GARRE1: variants seen among roughly 807,000 people sequenced by gnomAD.
GARRE1 encodes granule associated Rac and RHOG effector protein 1.
In GARRE1, 49 loss-of-function variants were observed where a neutral mutation model predicts 103.2. That is an observed-to-expected ratio of 0.47 (90% CI 0.38 to 0.60). The LOEUF (loss-of-function observed/expected upper bound fraction) is 0.60. Ranked by LOEUF, GARRE1 falls within the 20% of genes least tolerant of loss-of-function variation. The pLI is 0.00. For missense variants in GARRE1, 1,199 were observed against 1,370.5 expected (o/e 0.87, Z 1.98); for synonymous variants, 505 against 532.8 (o/e 0.95, Z 0.72).
intron 1 of GARRE1, among the ~76,000 whole-genome samples, chr19:34,275,933 A>G (rs2073814643): frequency 6.6e-6 from 1 of 152,228 alleles, no homozygotes; most frequent in Non-Finnish European, 1.5e-5. Flanking sequence ...GCGAAGAGGT[A>G]TCTCATTGTG....
chr19:34,259,820 G>A (rs980679015), intron 1 of GARRE1, among the ~76,000 whole-genome samples: 4 of 152,176 alleles, frequency 2.6e-5, no homozygotes, highest in South Asian at 2.1e-4. Flanking sequence ...CTAATGGGAG[G>A]TAATTTAATC....
chr19:34,310,316 C>T (rs2074030600), intron 2 of GARRE1, among the ~76,000 whole-genome samples: 1 of 152,204 alleles, frequency 6.6e-6, no homozygotes, highest in African/African-American at 2.4e-5. Flanking sequence ...CATAAAACAG[C>T]ATTTGCCTGA....
intron 12 of GARRE1, among the ~76,000 whole-genome samples, chr19:34,349,795 C>T (rs1375167118): frequency 6.6e-6 from 1 of 152,086 alleles, no homozygotes; most frequent in African/African-American, 2.4e-5. Flanking sequence ...TTGGTCCCTG[C>T]TGGACAGGCC....
intron 13 of GARRE1, among the ~76,000 whole-genome samples, chr19:34,352,126 C>T (rs1348392731): frequency 1.3e-5 from 2 of 150,068 alleles, no homozygotes; most frequent in East Asian, 2.0e-4. Flanking sequence ...ATCAGCCGGG[C>T]GCAGTGGCGA....
At chr19:34,275,277 T>A (rs1301348979) in intron 1 of GARRE1, among the ~76,000 whole-genome samples, 1 of 152,144 alleles carries the variant, frequency 6.6e-6, no homozygotes, top group Non-Finnish European at 1.5e-5. Flanking sequence ...GTTTATCCAT[T>A]TAAAGTATAT....
At chr19:34,306,297 C>T (rs974613437) in intron 2 of GARRE1, among the ~76,000 whole-genome samples, 9 of 152,162 alleles carry the variant, frequency 5.9e-5, no homozygotes, top group South Asian at 2.1e-4. Flanking sequence ...GCTCTGGATT[C>T]GAGAGTATTC....
intron 2 of GARRE1, among the ~76,000 whole-genome samples, chr19:34,312,602 ATGT>A (rs1176310800): frequency 2.0e-5 from 3 of 152,174 alleles, no homozygotes; most frequent in Non-Finnish European, 2.9e-5. Context: ...AGGCTCATTC[ATGT>A]TGTAGCTCGC....
intron 3 of GARRE1, among the ~76,000 whole-genome samples, chr19:34,326,176 G>T (rs2074111062): frequency 6.6e-6 from 1 of 152,224 alleles, no homozygotes; most frequent in South Asian, 2.1e-4. Flanking sequence ...TAAACTGTGA[G>T]ACTCTTAGGC....
At chr19:34,352,473 G>A (rs11882443) in intron 13 of GARRE1, among the ~76,000 whole-genome samples, 174 bp from the exon 14 acceptor site, 20 of 151,730 alleles carry the variant, frequency 1.3e-4, no homozygotes, top group Admixed American at 5.9e-4. Flanking sequence ...ATACTAGACC[G>A]TATAGGCACA....
At chr19:34,284,234 C>T in intron 1 of GARRE1, among the ~76,000 whole-genome samples, 1 of 150,310 alleles carries the variant, frequency 6.7e-6, no homozygotes, top group East Asian at 1.9e-4. Flanking sequence ...AAGCGATTCT[C>T]CTGCCTCAGC....
intron 1 of GARRE1, among the ~76,000 whole-genome samples, chr19:34,261,850 C>G (rs1034336176): frequency 6.6e-6 from 1 of 152,140 alleles, no homozygotes; most frequent in African/African-American, 2.4e-5. Flanking sequence ...CTGAGTCCTT[C>G]GACTCACTGC....
chr19:34,254,932 C>T (rs1190962667), intron 1 of GARRE1, among the ~76,000 whole-genome samples: 1 of 151,208 alleles, frequency 6.6e-6, no homozygotes, highest in Non-Finnish European at 1.5e-5. Context: ...GCCCGTCAGG[C>T]GGGGAAAGGG....
chr19:34,328,619 T>G (rs1481278089), intron 6 of GARRE1, among the ~76,000 whole-genome samples: 2 of 152,204 alleles, frequency 1.3e-5, no homozygotes, highest in African/African-American at 4.8e-5. Context: ...GTTTTGTTTT[T>G]TTGAGACGGA....
chr19:34,332,090 A>G (rs996808209), intron 7 of GARRE1, among the ~76,000 whole-genome samples: 1 of 152,062 alleles, frequency 6.6e-6, no homozygotes, highest in Non-Finnish European at 1.5e-5. Context: ...TCTGGTTCCT[A>G]CTTTATTCAC....
In GARRE1 at chr19:34,342,034, A is replaced by G; in HGVS notation, c.2100A>G (p.Pro700=). Residue 700 remains proline (P), a synonymous_variant, in exon 10 of 14, where the codon CCA becomes CCG. Coordinates refer to ENST00000299505, the MANE Select transcript of GARRE1 (RefSeq NM_014686.5). The part of the protein sequence containing the change: ...QQPSLPVPPP[P]RAPQAGAHTP... ...CGTCACTGCCTGTGCCCCCTCCACC[A>G]CGGGCACCCCAGGCTGGGGCACACA... 1 of 1,614,034 alleles carries G rather than the reference A, an allele frequency of 6.2e-7. No homozygotes were observed. The highest frequency in any genetic ancestry group is 8.5e-7 in the Non-Finnish European group (1 of 1,180,002).
At chr19:34,301,111 G>A in intron 2 of GARRE1, 143 bp downstream of exon 2, 5 of 901,690 alleles carry the variant, frequency 5.5e-6, no homozygotes, top group Non-Finnish European at 8.2e-6. Flanking sequence ...TAAAAAATGT[G>A]TGCGTGCCAG....
intron 10 of GARRE1, among the ~76,000 whole-genome samples, chr19:34,345,247 C>G (rs1342696476): frequency 3.3e-5 from 5 of 152,232 alleles, no homozygotes; most frequent in African/African-American, 4.8e-5. Flanking sequence ...GCCACTGCAT[C>G]TGACCATTGC....
chr19:34,320,633 A>G, intron 3 of GARRE1, among the ~76,000 whole-genome samples: 1 of 152,132 alleles, frequency 6.6e-6, no homozygotes. Context: ...GGACACAGGG[A>G]ATTTTGTGTT....
chr19:34,270,707 A>T (rs966263), intron 1 of GARRE1, among the ~76,000 whole-genome samples: 320 of 152,306 alleles, frequency 2.1e-3, no homozygotes, highest in African/African-American at 7.2e-3. Flanking sequence ...TTCTTAGCTT[A>T]TGGACCCGTT....
Sources: gnomAD v4.1 joint callset for allele counts (sites outside exome capture counted in the v4.1 genomes callset) on GRCh38, gnomAD v4.1.1 for gene constraint, MANE v1.5 for transcripts, NCBI Gene and HGNC (gene_info 2026-07-23, HGNC 2026-07-21) for gene names.